The following PRKG1 variants were observed in gnomAD, a reference collection of about 807,000 sequenced individuals.
PRKG1 encodes protein kinase cGMP-dependent 1, also known as cGMP-dependent protein kinase 1.
Under a neutral mutation model 88.1 loss-of-function variants are expected in PRKG1, and 35 were observed. That is an observed-to-expected ratio of 0.40 (90% CI 0.30 to 0.53). The LOEUF (loss-of-function observed/expected upper bound fraction) is 0.53, where lower values mean the gene tolerates loss of function less well. Among genes scored for constraint, PRKG1 ranks in the 20% least tolerant of loss-of-function variants. PRKG1 has a pLI of 0.59. For synonymous variants in PRKG1, 303 were observed against 292.5 expected, an observed-to-expected ratio of 1.04 and a Z score of -0.37; for missense variants, 540 against 839.8, an observed-to-expected ratio of 0.64 and a Z score of 4.41.
chr10:51,697,674 A>G, intron 3 of PRKG1: 1 of 1,609,772 alleles, frequency 6.2e-7, no homozygotes, highest in Non-Finnish European at 8.5e-7. Flanking sequence ...ATTTGAGACT[A>G]CAGCCAAATA....
intron 11 of PRKG1, 36 bp downstream of exon 11, chr10:52,271,525 T>C (rs1841730258): frequency 6.3e-7 from 1 of 1,595,200 alleles, no homozygotes. Flanking sequence ...CGTACCCAAC[T>C]CCAAGTGACA....
chr10:52,074,131 A>G (rs779522855), intron 7 of PRKG1, among the ~76,000 whole-genome samples: 3 of 152,184 alleles, frequency 2.0e-5, no homozygotes, highest in Non-Finnish European at 4.4e-5. Flanking sequence ...GCTCATTATA[A>G]TAGGTACAAA....
At chr10:51,663,223 T>C (rs1260796369) in intron 3 of PRKG1, among the ~76,000 whole-genome samples, 1 of 151,986 alleles carries the variant, frequency 6.6e-6, no homozygotes, top group Non-Finnish European at 1.5e-5. Flanking sequence ...AAAGTGAAGA[T>C]GTAGAAAGAG....
At chr10:51,934,613 G>A (rs1377667438) in intron 5 of PRKG1, among the ~76,000 whole-genome samples, 7 of 152,224 alleles carry the variant, frequency 4.6e-5, no homozygotes, top group East Asian at 1.9e-4. Context: ...CATGGTTTCC[G>A]TTGACCTCTG....
intron 13 of PRKG1, 58 bp from the exon 14 acceptor site, chr10:52,282,095 A>G (rs1842014571): frequency 7.0e-7 from 1 of 1,421,242 alleles, no homozygotes; most frequent in Non-Finnish European, 9.5e-7. Context: ...AAAATAACTT[A>G]TTACTTTAAA....
At chr10:51,690,840 C>T (rs542768155) in intron 3 of PRKG1, among the ~76,000 whole-genome samples, 3 of 147,684 alleles carry the variant, frequency 2.0e-5, no homozygotes, top group East Asian at 2.0e-4. Flanking sequence ...GCAGGAGAAT[C>T]GCTTGAACCC....
At chr10:51,204,649 T>A (rs978056819) in intron 2 of PRKG1, among the ~76,000 whole-genome samples, 1 of 152,122 alleles carries the variant, frequency 6.6e-6, no homozygotes, top group African/African-American at 2.4e-5. Context: ...AATTGCCAGG[T>A]GAGTCCAGAT....
chr10:51,617,496 C>G (rs1392453500), intron 3 of PRKG1, among the ~76,000 whole-genome samples: 1 of 152,126 alleles, frequency 6.6e-6, no homozygotes, highest in Non-Finnish European at 1.5e-5. Flanking sequence ...ACTGGCTTTC[C>G]TAGCCCACCA....
intron 3 of PRKG1, among the ~76,000 whole-genome samples, chr10:51,531,201 A>G (rs1057141299): frequency 1.3e-5 from 2 of 152,166 alleles, no homozygotes; most frequent in African/African-American, 4.8e-5. Flanking sequence ...ATAGCCCTCA[A>G]TGGTTTTACT....
rs139107272 is a variant in PRKG1, at chr10:51,759,866, T to C, written c.593-44719T>C. Reference sequence around the variant, plus strand: ...TTTGTCACTGAATATATTGTAAACATCTTTCTGGTCCCATAAAGGTACTTT... The same window carrying C: ...TTTGTCACTGAATATATTGTAAACACCTTTCTGGTCCCATAAAGGTACTTT... On this transcript the variant is annotated intron_variant, in intron 3 of 17. Transcript: ENST00000373980. Among the ~76,000 whole-genome samples the C allele has an allele frequency of 7.2e-5, 11 of 152,312 alleles. No individual in the cohort carries two copies. The East Asian group carries it at 2.1e-3, about 29-fold the overall frequency.
chr10:52,022,449 ATTAC>A (rs926175133), intron 5 of PRKG1, among the ~76,000 whole-genome samples: 2 of 152,204 alleles, frequency 1.3e-5, no homozygotes, highest in African/African-American at 4.8e-5. Flanking sequence ...TGAAATTTAT[ATTAC>A]TTAAAGTTAA....
chr10:51,040,232 T>TTGTG (rs373057468), intron 1 of PRKG1, among the ~76,000 whole-genome samples: 34,315 of 117,500 alleles, frequency 0.29, 5,130 homozygotes, highest in South Asian at 0.4. Context: ...TCCATTCCAT[T>TTGTG]TGTGTGTGTG....
chr10:51,617,112 A>G (rs1408776942), intron 3 of PRKG1, among the ~76,000 whole-genome samples: 1 of 152,124 alleles, frequency 6.6e-6, no homozygotes, highest in Non-Finnish European at 1.5e-5. Context: ...TTTGAGACCC[A>G]TGAGGCTCAA....
At chr10:51,770,939 G>A (rs541828119) in intron 3 of PRKG1, among the ~76,000 whole-genome samples, 3 of 152,288 alleles carry the variant, frequency 2.0e-5, no homozygotes, top group East Asian at 1.9e-4. Context: ...GATTTCATCA[G>A]TGTGCAAACA....
chr10:51,118,001 G>A (rs893480432), intron 1 of PRKG1, among the ~76,000 whole-genome samples: 2 of 152,130 alleles, frequency 1.3e-5, no homozygotes, highest in Non-Finnish European at 2.9e-5. Context: ...ATCACTAGGG[G>A]GTTTTCACTA....
intron 2 of PRKG1, among the ~76,000 whole-genome samples, chr10:51,308,790 G>A (rs1420456779): frequency 6.6e-6 from 1 of 152,114 alleles, no homozygotes; most frequent in East Asian, 1.9e-4. Context: ...GAAAAAGTGG[G>A]GTTTTAGGAC....
chr10:51,334,308 T>C (rs1841819663), intron 2 of PRKG1, among the ~76,000 whole-genome samples: 1 of 152,132 alleles, frequency 6.6e-6, no homozygotes, highest in African/African-American at 2.4e-5. Context: ...TATATATATT[T>C]TCTCCAAGTA....
intron 2 of PRKG1, among the ~76,000 whole-genome samples, chr10:51,217,848 G>T (rs1838412065): frequency 6.6e-6 from 1 of 152,080 alleles, no homozygotes; most frequent in Non-Finnish European, 1.5e-5. Flanking sequence ...TTTACTATTT[G>T]GATTTATTTT....
At chr10:51,629,759 G>A (rs1839476253) in intron 3 of PRKG1, among the ~76,000 whole-genome samples, 1 of 152,172 alleles carries the variant, frequency 6.6e-6, no homozygotes, top group African/African-American at 2.4e-5. Context: ...TTATTAACAA[G>A]TGGGTCGCGG....
Sources: gnomAD v4.1 joint callset for allele counts (sites outside exome capture counted in the v4.1 genomes callset) on GRCh38, gnomAD v4.1.1 for gene constraint, MANE v1.5 for transcripts, NCBI Gene and HGNC (gene_info 2026-07-23, HGNC 2026-07-21) for gene names.